Variants in MYOM1 observed in about 807,000 individuals in gnomAD.
MYOM1 encodes myomesin 1, also known as myomesin-1.
Under a neutral mutation model 205.3 loss-of-function variants are expected in MYOM1, and 164 were observed. That is an observed-to-expected ratio of 0.80 (90% CI 0.70 to 0.91). The LOEUF (loss-of-function observed/expected upper bound fraction) is 0.91, where lower values mean the gene tolerates loss of function less well. Ranked by LOEUF, MYOM1 falls within the 40% of genes least tolerant of loss-of-function variation. The pLI is 0.00. For synonymous variants in MYOM1, 772 were observed against 789.4 expected (o/e 0.98, Z 0.37); for missense variants, 2,011 against 2,127.3 (o/e 0.95, Z 1.08).
chr18:3,071,943 TACTC>T, intron 36 of MYOM1, 54 bp from the exon 37 acceptor site: 5 of 1,525,850 alleles, frequency 3.3e-6, no homozygotes, highest in Non-Finnish European at 4.5e-6. Context: ...CCAGCGGTCA[TACTC>T]ACAAAACCAC....
In MYOM1 at chr18:3,179,645, G is replaced by A. The variant is rs1304640257; in HGVS notation, c.930-3511C>T. Among the ~76,000 whole-genome samples the A allele has an allele frequency of 6.6e-6, 1 of 152,164 alleles. No individual in the cohort carries two copies. Among genetic ancestry groups the A allele is most frequent in the Non-Finnish European group, 1.5e-5 (1 of 68,034 alleles). On this transcript the variant is annotated intron_variant, in intron 5 of 37. Transcript: ENST00000356443. This position sits in a 1 kb window ranked among gnomAD's most constrained non-coding sequence, Gnocchi z 4.4. ...TATTTCCTGCCAGCAGCTTCAGACA[G>A]CTGTCTCAACATGGCTCGAGCAGAC...
At chr18:3,228,350 C>T in the MYOM1 span, among the ~76,000 whole-genome samples, 3 of 152,194 alleles carry the variant, frequency 2.0e-5, no homozygotes, top group Non-Finnish European at 4.4e-5. The surrounding 1 kb of genome is among the most constrained non-coding windows in gnomAD (Gnocchi z 4.5). Context: ...GAGACACTTA[C>T]TCTGTCTTCA....
intron 16 of MYOM1, 76 bp downstream of exon 16, chr18:3,134,574 T>G: frequency 2.8e-6 from 4 of 1,440,634 alleles, no homozygotes; most frequent in Non-Finnish European, 2.8e-6. Context: ...ATCTCCTCCA[T>G]TGGATGTCTG....
Position 3,086,088 on chromosome 18 carries a change from C to G in MYOM1, c.4201G>C (p.Asp1401His). Reference protein sequence around the residue: ...WYKDEREISVDEKHDFKDGIC... With the variant: ...WYKDEREISVHEKHDFKDGIC... ...CCATCCTTAAAGTCATGCTTTTCAT[C>G]CACTGATATCTCCCTCTCATCTTTG... is the stretch of plus-strand genomic sequence containing the variant. Residue 1401 changes from aspartate (D) to histidine (H), a missense_variant, in exon 30 of 38, where the codon GAT becomes CAT. Physicochemically the swap from Asp to His is moderately conservative, Grantham distance 81. Transcript: ENST00000356443. The G allele has an allele frequency of 6.2e-7, 1 of 1,611,886 alleles. No homozygotes were observed. The highest frequency in any genetic ancestry group is 8.5e-7 in the Non-Finnish European group (1 of 1,179,262).
chr18:3,116,134 T>C (rs1414671807), intron 21 of MYOM1, among the ~76,000 whole-genome samples, 197 bp downstream of exon 21: 1 of 152,138 alleles, frequency 6.6e-6, no homozygotes, highest in Non-Finnish European at 1.5e-5. Flanking sequence ...TGCTAAGGAA[T>C]TCAGGTTAAA....
intron 26 of MYOM1, among the ~76,000 whole-genome samples, chr18:3,092,625 G>A (rs1009264525): frequency 6.6e-6 from 1 of 151,962 alleles, no homozygotes; most frequent in African/African-American, 2.4e-5. Context: ...CAAATACCAT[G>A]ATGGATTTGA....
chr18:3,136,635 C>T (rs1465932331), intron 14 of MYOM1, among the ~76,000 whole-genome samples: 1 of 151,918 alleles, frequency 6.6e-6, no homozygotes, highest in Admixed American at 6.6e-5. Context: ...CCCCATGTTG[C>T]CTAGGCTGGT....
At chr18:3,197,035 C>G (rs1378033553) in intron 2 of MYOM1, among the ~76,000 whole-genome samples, 1 of 152,214 alleles carries the variant, frequency 6.6e-6, no homozygotes, top group Non-Finnish European at 1.5e-5. Context: ...GTAACTCACC[C>G]ATGCTCACAC....
At chr18:3,090,534 G>C in intron 27 of MYOM1, 124 bp downstream of exon 27, 1 of 1,292,740 alleles carries the variant, frequency 7.7e-7, no homozygotes, top group Non-Finnish European at 1.1e-6. Context: ...ATTGTATTTT[G>C]AACATTAGAA....
At chr18:3,225,278 T>C in the MYOM1 span, among the ~76,000 whole-genome samples, 32 of 152,346 alleles carry the variant, frequency 2.1e-4, no homozygotes, top group East Asian at 1.2e-3. Flanking sequence ...TGAGCCACCG[T>C]GCCAGGCCTG....
intron 10 of MYOM1, among the ~76,000 whole-genome samples, chr18:3,156,800 G>A (rs936994984): frequency 3.9e-5 from 6 of 151,958 alleles, no homozygotes; most frequent in Non-Finnish European, 5.9e-5. Flanking sequence ...TAGTAGAGAT[G>A]GGGATTCACC....
chr18:3,175,780 TA>T (rs953350386), intron 6 of MYOM1, among the ~76,000 whole-genome samples: 2 of 152,202 alleles, frequency 1.3e-5, no homozygotes, highest in Admixed American at 1.3e-4. Flanking sequence ...AAAAGATAAA[TA>T]AAAACATGCA....
intron 2 of MYOM1, among the ~76,000 whole-genome samples, chr18:3,207,086 C>T (rs1469371481): frequency 6.6e-6 from 1 of 151,626 alleles, no homozygotes; most frequent in Non-Finnish European, 1.5e-5. Flanking sequence ...ATTTAAATTT[C>T]CATTGATATG....
At chr18:3,134,411 T>C (rs2143904152) in intron 16 of MYOM1, among the ~76,000 whole-genome samples, 1 of 152,224 alleles carries the variant, frequency 6.6e-6, no homozygotes, top group African/African-American at 2.4e-5. Context: ...TCTTGTTTTT[T>C]TTTTCAGTTT....
intron 5 of MYOM1, among the ~76,000 whole-genome samples, chr18:3,185,269 A>G: frequency 6.6e-6 from 1 of 152,248 alleles, no homozygotes. Flanking sequence ...TGTACTTAAC[A>G]GAATAAATAA....
Position 3,139,400 on chromosome 18 carries a change from T to C in MYOM1, c.2025+2539A>G, listed in dbSNP as rs377019354. 7.9e-5 allele frequency among the ~76,000 whole-genome samples: 12 copies of C among 152,096 alleles called. No homozygotes were observed. The East Asian group carries it at 2.3e-3, about 29-fold the overall frequency. On this transcript the variant is annotated intron_variant, in intron 14 of 37. Coordinates refer to ENST00000356443, the MANE Select transcript of MYOM1 (RefSeq NM_003803.4). The stretch of plus-strand genomic sequence containing the variant: ...GGAGGCTGGAAGTGCCAAGGACTGA[T>C]TTATCTGAGTCCCTTGCTATAAACC...
intron 19 of MYOM1, 65 bp downstream of exon 19, chr18:3,126,636 G>C: frequency 4.1e-6 from 6 of 1,460,854 alleles, no homozygotes; most frequent in Non-Finnish European, 5.6e-6. Context: ...GTGTGTGCCT[G>C]CCTGGGCGTG....
At chr18:3,130,028 T>A (rs72860216) in intron 17 of MYOM1, among the ~76,000 whole-genome samples, 5,153 of 152,036 alleles carry the variant, frequency 0.034, 191 homozygotes, top group African/African-American at 0.091. Context: ...ATAAGGAATC[T>A]TCCTTCCTTC....
intron 21 of MYOM1, among the ~76,000 whole-genome samples, chr18:3,115,993 G>GA (rs552554223): frequency 7.9e-5 from 12 of 152,188 alleles, no homozygotes; most frequent in African/African-American, 2.2e-4. Context: ...AAAGAGGAAT[G>GA]AAAAAATCAC....
Sources: allele counts gnomAD v4.1 joint callset (sites outside exome capture counted in the v4.1 genomes callset), GRCh38; gene constraint gnomAD v4.1.1; non-coding constraint Gnocchi (gnomAD v3.1); transcripts MANE v1.5; gene names NCBI Gene and HGNC (gene_info 2026-07-23, HGNC 2026-07-21).